LHFPL2: variants seen among roughly 807,000 people sequenced by gnomAD.
LHFPL2 encodes LHFPL tetraspan subfamily member 2 protein.
LHFPL2 carries 7 observed loss-of-function variants against 17.5 expected under a neutral mutation model. The observed-to-expected ratio is 0.40, with a 90% confidence interval of 0.23 to 0.75. The LOEUF (loss-of-function observed/expected upper bound fraction) is 0.75. Ranked by LOEUF, LHFPL2 falls within the 30% of genes least tolerant of loss-of-function variation. The probability of loss-of-function intolerance (pLI) is 0.37; values close to 1 mark genes in which losing one functional copy is unlikely to be tolerated. For synonymous variants in LHFPL2, 134 were observed against 116.2 expected, an observed-to-expected ratio of 1.15 and a Z score of -0.99; for missense variants, 241 against 294.8, an observed-to-expected ratio of 0.82 and a Z score of 1.34.
At chr5:78,597,204 C>T (rs1353073076) in intron 2 of LHFPL2, among the ~76,000 whole-genome samples, 1 of 152,190 alleles carries the variant, frequency 6.6e-6, no homozygotes, top group Non-Finnish European at 1.5e-5. Context: ...AGTCTAATCC[C>T]AGCTAGACTT....
At chr5:78,586,754 C>T (rs891852239) in intron 2 of LHFPL2, among the ~76,000 whole-genome samples, 2 of 152,196 alleles carry the variant, frequency 1.3e-5, no homozygotes, top group Middle Eastern at 3.2e-3. Context: ...CTAAATTATG[C>T]CCCACTATTC....
intron 2 of LHFPL2, among the ~76,000 whole-genome samples, chr5:78,603,505 T>A (rs1263000980): frequency 6.6e-6 from 1 of 152,004 alleles, no homozygotes; most frequent in Non-Finnish European, 1.5e-5. Flanking sequence ...AATGAGTCCA[T>A]ACCCTTTACC....
intron 2 of LHFPL2, among the ~76,000 whole-genome samples, chr5:78,582,099 T>C (rs1271635549): frequency 2.6e-5 from 4 of 152,254 alleles, no homozygotes; most frequent in African/African-American, 9.6e-5. Context: ...TAGTATTCTC[T>C]GATGGTAGTT....
At chr5:78,504,627 T>C (rs572133502) in intron 4 of LHFPL2, among the ~76,000 whole-genome samples, 1 of 152,346 alleles carries the variant, frequency 6.6e-6, no homozygotes, top group Admixed American at 6.5e-5. Context: ...AAAGCAATTA[T>C]ATAAGCAGCA....
chr5:78,585,452 C>T (rs1455099577), intron 2 of LHFPL2, among the ~76,000 whole-genome samples: 3 of 152,120 alleles, frequency 2.0e-5, no homozygotes, highest in Admixed American at 6.5e-5. Context: ...GGCAATGCCT[C>T]GCCCTGCTTC....
intron 2 of LHFPL2, among the ~76,000 whole-genome samples, chr5:78,581,048 G>T (rs1306791366): frequency 6.6e-6 from 1 of 152,030 alleles, no homozygotes; most frequent in African/African-American, 2.4e-5. Flanking sequence ...AGTTCTCCTT[G>T]AAGAGGTCCT....
At chr5:78,613,314 T>C (rs549622615) in intron 2 of LHFPL2, among the ~76,000 whole-genome samples, 1 of 152,250 alleles carries the variant, frequency 6.6e-6, no homozygotes, top group Admixed American at 6.5e-5. Flanking sequence ...TCCAGACTTA[T>C]CCCACATACC....
At chr5:78,642,633 T>A (rs954561976) in intron 1 of LHFPL2, among the ~76,000 whole-genome samples, 1 of 152,106 alleles carries the variant, frequency 6.6e-6, no homozygotes, top group Non-Finnish European at 1.5e-5. Context: ...TACAAACACT[T>A]GCCACTACCG....
At chr5:78,644,313 CT>C in intron 1 of LHFPL2, 8 of 1,214,646 alleles carry the variant, frequency 6.6e-6, no homozygotes, top group Non-Finnish European at 7.1e-6. Context: ...CTTTTTCTTG[CT>C]TTTTTCAGCC....
At position 78,492,686 on chromosome 5, in the gene LHFPL2, G is replaced by A. The variant is rs1468438979; in HGVS notation, c.431-3533C>T. ...TAAGTAAAGCAGGGAGACTCTTGCTGTTGTTTAAGTCACATAAGAGTGCCA... is the reference window on the plus strand; with the variant it reads ...TAAGTAAAGCAGGGAGACTCTTGCTATTGTTTAAGTCACATAAGAGTGCCA... On this transcript the variant is annotated intron_variant, in intron 4 of 4. Transcript: ENST00000380345. Among the ~76,000 whole-genome samples, 4 of 152,196 alleles carry A rather than the reference G, an allele frequency of 2.6e-5. No individual in the cohort carries two copies. In the East Asian group the frequency reaches 5.8e-4, roughly 22 times the overall value.
intron 1 of LHFPL2, among the ~76,000 whole-genome samples, chr5:78,642,582 T>C (rs185647519): frequency 1.9e-4 from 29 of 152,248 alleles, no homozygotes; most frequent in African/African-American, 6.7e-4. Flanking sequence ...TAGCATCAGT[T>C]AGTAAACCTC....
intron 4 of LHFPL2, among the ~76,000 whole-genome samples, chr5:78,497,627 A>G (rs1221077816): frequency 2.0e-5 from 3 of 152,240 alleles, no homozygotes; most frequent in Non-Finnish European, 4.4e-5. Flanking sequence ...ATGTGATTAT[A>G]TTACATTTTT....
intron 3 of LHFPL2, among the ~76,000 whole-genome samples, chr5:78,544,992 G>T (rs578207828): frequency 6.6e-6 from 1 of 152,052 alleles, no homozygotes; most frequent in Admixed American, 6.5e-5. Context: ...CCTCTGGATC[G>T]TGCATCACTC....
At chr5:78,592,035 G>A (rs936744055) in intron 2 of LHFPL2, among the ~76,000 whole-genome samples, 1 of 152,206 alleles carries the variant, frequency 6.6e-6, no homozygotes, top group African/African-American at 2.4e-5. Flanking sequence ...TCTGAAAGAC[G>A]TGGTTCCCTT....
intron 3 of LHFPL2, among the ~76,000 whole-genome samples, chr5:78,532,911 C>T (rs959465057): frequency 1.2e-4 from 19 of 152,314 alleles, no homozygotes; most frequent in African/African-American, 4.1e-4. Context: ...GCTGACAGCA[C>T]GTGGGCCTGC....
chr5:78,634,145 G>A (rs568514726), intron 1 of LHFPL2, among the ~76,000 whole-genome samples: 5 of 152,286 alleles, frequency 3.3e-5, no homozygotes, highest in Non-Finnish European at 5.9e-5. Context: ...TCTGTAAACA[G>A]CAGACAAGTT....
chr5:78,600,445 G>T (rs562081122), intron 2 of LHFPL2, among the ~76,000 whole-genome samples: 155 of 152,176 alleles, frequency 1.0e-3, no homozygotes, highest in Non-Finnish European at 1.8e-3. Context: ...CTTTCAGCAA[G>T]AGGCCATGTG....
At chr5:78,634,013 C>G (rs1745341338) in intron 1 of LHFPL2, among the ~76,000 whole-genome samples, 1 of 152,120 alleles carries the variant, frequency 6.6e-6, no homozygotes, top group African/African-American at 2.4e-5. Context: ...ACACCAAGGC[C>G]CAGGAGCCAT....
At chr5:78,642,512 G>A (rs1223476849) in intron 1 of LHFPL2, among the ~76,000 whole-genome samples, 1 of 152,152 alleles carries the variant, frequency 6.6e-6, no homozygotes, top group East Asian at 1.9e-4. Context: ...AGCCAGTCAG[G>A]CCTGGTAAAG....
Sources: gnomAD v4.1 joint callset for allele counts (sites outside exome capture counted in the v4.1 genomes callset) on GRCh38, gnomAD v4.1.1 for gene constraint, MANE v1.5 for transcripts, NCBI Gene and HGNC (gene_info 2026-07-23, HGNC 2026-07-21) for gene names.